EPHA6: variants seen among roughly 807,000 people sequenced by gnomAD.
The protein encoded by EPHA6 is ephrin type-A receptor 6.
A neutral mutation model predicts 112.0 loss-of-function variants in EPHA6; 50 were observed. The ratio of observed to expected loss-of-function variants is 0.45; its 90% CI spans 0.36 to 0.56. EPHA6 has a LOEUF of 0.56. Ranked by LOEUF, EPHA6 falls within the 20% of genes least tolerant of loss-of-function variation. EPHA6 has a pLI of 0.00. For synonymous variants in EPHA6, 529 were observed against 490.7 expected (o/e 1.08, Z -1.03); for missense variants, 1,280 against 1,417.4 (o/e 0.90, Z 1.56).
At chr3:97,470,553 C>A (rs2091197580) in intron 7 of EPHA6, among the ~76,000 whole-genome samples, 1 of 151,616 alleles carries the variant, frequency 6.6e-6, no homozygotes. Context: ...AAATCATATG[C>A]CTCCATAGAA....
chr3:96,993,249 T>C (rs1003773491), intron 3 of EPHA6, among the ~76,000 whole-genome samples: 1 of 151,876 alleles, frequency 6.6e-6, no homozygotes, highest in African/African-American at 2.4e-5. Context: ...AAAGCCCAAA[T>C]ATGTCTTAAT....
intron 2 of EPHA6, among the ~76,000 whole-genome samples, chr3:96,867,845 C>G (rs2036405735): frequency 6.6e-6 from 1 of 151,918 alleles, no homozygotes; most frequent in African/African-American, 2.4e-5. Flanking sequence ...CAGTTATTCA[C>G]TAAGTGTGTA....
intron 14 of EPHA6, among the ~76,000 whole-genome samples, chr3:97,673,874 T>A (rs977206077): frequency 2.6e-5 from 4 of 152,198 alleles, no homozygotes; most frequent in Non-Finnish European, 5.9e-5. Flanking sequence ...TCGCAATAAT[T>A]TTTTAGTTGT....
At chr3:97,329,521 A>T (rs1245124068) in intron 5 of EPHA6, among the ~76,000 whole-genome samples, 7 of 150,090 alleles carry the variant, frequency 4.7e-5, no homozygotes, top group African/African-American at 2.5e-5. Context: ...AACTGGTGTG[A>T]GATGGTATCT....
At chr3:96,943,151 C>CAA (rs2041068736) in intron 2 of EPHA6, among the ~76,000 whole-genome samples, 1 of 152,196 alleles carries the variant, frequency 6.6e-6, no homozygotes, top group South Asian at 2.1e-4. Flanking sequence ...CGTGTTGCAG[C>CAA]AAATGACAGG....
chr3:97,455,844 T>C (rs371587803), intron 7 of EPHA6, among the ~76,000 whole-genome samples: 1 of 151,010 alleles, frequency 6.6e-6, no homozygotes, highest in Non-Finnish European at 1.5e-5. Flanking sequence ...CAAGAGAGAC[T>C]GAATTGACAA....
intron 2 of EPHA6, among the ~76,000 whole-genome samples, chr3:96,969,305 C>T (rs2042233974): frequency 6.6e-6 from 1 of 151,854 alleles, no homozygotes; most frequent in South Asian, 2.1e-4. Context: ...ATTTTCATAT[C>T]TGGCACCCTA....
At chr3:97,265,177 G>T (rs976554552) in intron 5 of EPHA6, among the ~76,000 whole-genome samples, 1 of 152,074 alleles carries the variant, frequency 6.6e-6, no homozygotes, top group African/African-American at 2.4e-5. Flanking sequence ...GCCATGAGTG[G>T]GCCCAAAAAA....
At chr3:96,973,809 A>C (rs2107792054) in intron 2 of EPHA6, among the ~76,000 whole-genome samples, 1 of 146,696 alleles carries the variant, frequency 6.8e-6, no homozygotes, top group South Asian at 2.1e-4. Flanking sequence ...TGGGCGACAG[A>C]GCGAGACTCC....
At chr3:97,561,076 C>T (rs2093183558) in intron 11 of EPHA6, among the ~76,000 whole-genome samples, 1 of 151,914 alleles carries the variant, frequency 6.6e-6, no homozygotes, top group African/African-American at 2.4e-5. Context: ...CTGACTGTTC[C>T]ACCAATCAGC....
At chr3:97,430,712 G>GA (rs2089452844) in intron 6 of EPHA6, among the ~76,000 whole-genome samples, 2 of 151,988 alleles carry the variant, frequency 1.3e-5, no homozygotes, top group Admixed American at 1.3e-4. Flanking sequence ...AATTTTAAAT[G>GA]AACCACTTTT....
chr3:96,968,415 CAT>C (rs1390427141), intron 2 of EPHA6, among the ~76,000 whole-genome samples: 2 of 149,968 alleles, frequency 1.3e-5, no homozygotes, highest in Non-Finnish European at 3.0e-5. Context: ...CACACACACA[CAT>C]TCTATGTATT....
intron 5 of EPHA6, among the ~76,000 whole-genome samples, chr3:97,282,227 T>C (rs1172578504): frequency 2.0e-5 from 3 of 152,176 alleles, no homozygotes; most frequent in African/African-American, 7.2e-5. Context: ...CAGAGAAATG[T>C]AAATGTTTTT....
intron 7 of EPHA6, among the ~76,000 whole-genome samples, chr3:97,457,551 G>A (rs1446860028): frequency 6.6e-6 from 1 of 152,088 alleles, no homozygotes; most frequent in Admixed American, 6.6e-5. Flanking sequence ...ATATGTTTAT[G>A]TCAAAATATA....
chr3:97,065,581 C>T (rs1054848671), intron 3 of EPHA6, among the ~76,000 whole-genome samples: 1 of 151,886 alleles, frequency 6.6e-6, no homozygotes, highest in African/African-American at 2.4e-5. Flanking sequence ...TTGTAAGACT[C>T]GATTTCTGAT....
At chr3:97,409,694 G>C (rs2087584618) in intron 6 of EPHA6, among the ~76,000 whole-genome samples, 1 of 152,020 alleles carries the variant, frequency 6.6e-6, no homozygotes, top group Non-Finnish European at 1.5e-5. Context: ...TCAACTGGTA[G>C]CTCATTTTGC....
intron 2 of EPHA6, among the ~76,000 whole-genome samples, chr3:96,971,712 G>A (rs951219760): frequency 1.3e-5 from 2 of 152,244 alleles, no homozygotes; most frequent in East Asian, 1.9e-4. Context: ...TACAGAATGA[G>A]ATACCCGTGT....
chr3:97,506,732 T>C (rs769160467), intron 10 of EPHA6, among the ~76,000 whole-genome samples: 1 of 152,208 alleles, frequency 6.6e-6, no homozygotes, highest in African/African-American at 2.4e-5. Context: ...TTGATGGGGA[T>C]AACATTGAAT....
intron 3 of EPHA6, among the ~76,000 whole-genome samples, chr3:97,047,098 G>C (rs539620826): frequency 2.0e-5 from 3 of 152,014 alleles, no homozygotes; most frequent in African/African-American, 4.8e-5. Flanking sequence ...ATTTGAATTT[G>C]TATATGGTAT....
Sources: gnomAD v4.1 joint callset for allele counts (sites outside exome capture counted in the v4.1 genomes callset) on GRCh38, gnomAD v4.1.1 for gene constraint, MANE v1.5 for transcripts, NCBI Gene and HGNC (gene_info 2026-07-23, HGNC 2026-07-21) for gene names.